NIN: variants seen among roughly 807,000 people sequenced by gnomAD.
NIN encodes glycogen synthase kinase 3 beta-interacting protein.
A neutral mutation model predicts 257.6 loss-of-function variants in NIN; 137 were observed. The observed-to-expected ratio is 0.53, with a 90% CI of 0.46 to 0.61. NIN has a LOEUF of 0.61. Among genes scored for constraint, NIN ranks in the 20% least tolerant of loss-of-function variants. The probability of loss-of-function intolerance (pLI) is 0.00; values close to 1 mark genes in which losing one functional copy is unlikely to be tolerated. For missense variants in NIN, 2,439 were observed against 2,501.2 expected (o/e 0.98, Z 0.53); for synonymous variants, 918 against 919.8 (o/e 1.00, Z 0.04).
At chr14:50,827,082 G>C (rs889427784) in intron 2 of NIN, among the ~76,000 whole-genome samples, 1 of 152,180 alleles carries the variant, frequency 6.6e-6, no homozygotes, top group Non-Finnish European at 1.5e-5. Context: ...TAACGCCAAT[G>C]ATCAAATTAA....
chr14:50,729,494 G>A (rs754066929), intron 29 of NIN, 29 bp downstream of exon 29: 1 of 1,578,928 alleles, frequency 6.3e-7, no homozygotes, highest in Non-Finnish European at 8.7e-7. Flanking sequence ...ATTAACAGGT[G>A]ATCTACTAGA....
intron 3 of NIN, among the ~76,000 whole-genome samples, chr14:50,809,322 G>C (rs1036546834): frequency 6.6e-6 from 1 of 152,178 alleles, no homozygotes; most frequent in African/African-American, 2.4e-5. Context: ...GGCGGCGGCA[G>C]GGAGGTCTGA....
intron 2 of NIN, among the ~76,000 whole-genome samples, chr14:50,829,283 G>A (rs2045595234): frequency 6.6e-6 from 1 of 152,116 alleles, no homozygotes; most frequent in South Asian, 2.1e-4. Flanking sequence ...TTCAACTCCG[G>A]AGCAAGAGCC....
At chr14:50,756,231 C>A (rs1409656849) in intron 18 of NIN, among the ~76,000 whole-genome samples, 1 of 151,930 alleles carries the variant, frequency 6.6e-6, no homozygotes, top group Non-Finnish European at 1.5e-5. Flanking sequence ...ATTGAGGATG[C>A]ACATGGTTAA....
chr14:50,772,613 C>A, intron 8 of NIN, 145 bp from the exon 9 acceptor site: 1 of 712,756 alleles, frequency 1.4e-6, no homozygotes, highest in South Asian at 1.9e-5. Context: ...TCTCTGATCT[C>A]TGTTCCCAAC....
chr14:50,733,393 T>C (rs2040817753), intron 28 of NIN, among the ~76,000 whole-genome samples: 1 of 152,148 alleles, frequency 6.6e-6, no homozygotes, highest in Non-Finnish European at 1.5e-5. Flanking sequence ...GCCTGGCCAA[T>C]AATTCAGTTC....
At chr14:50,734,167 G>A (rs767823008) in intron 28 of NIN, among the ~76,000 whole-genome samples, 11 of 149,896 alleles carry the variant, frequency 7.3e-5, no homozygotes, top group Non-Finnish European at 1.2e-4. Context: ...TCGGCTCACT[G>A]CAACCTCCGC....
chr14:50,734,337 C>A (rs1229484244), intron 28 of NIN, among the ~76,000 whole-genome samples: 1 of 152,110 alleles, frequency 6.6e-6, no homozygotes, highest in Non-Finnish European at 1.5e-5. Context: ...GGTGATCCAC[C>A]TGCCTCAGCC....
chr14:50,805,487 C>G (rs1317344389), intron 4 of NIN, among the ~76,000 whole-genome samples: 3 of 152,118 alleles, frequency 2.0e-5, no homozygotes, highest in African/African-American at 7.2e-5. Flanking sequence ...CCGAAAAAGG[C>G]GGAGACTCAA....
chr14:50,737,654 T>G (rs1192036106), intron 27 of NIN, among the ~76,000 whole-genome samples: 31 of 150,746 alleles, frequency 2.1e-4, no homozygotes, highest in East Asian at 7.8e-4. Context: ...TTGTTTTTTT[T>G]TTTTTTTTTT....
At chr14:50,759,783 C>G in intron 17 of NIN, 74 bp downstream of exon 17, 1 of 1,502,108 alleles carries the variant, frequency 6.7e-7, no homozygotes, top group East Asian at 2.3e-5. Context: ...GCCACCGCGC[C>G]CAGCCACAAC....
At chr14:50,801,636 T>G (rs2044108201) in intron 4 of NIN, among the ~76,000 whole-genome samples, 1 of 152,204 alleles carries the variant, frequency 6.6e-6, no homozygotes, top group Non-Finnish European at 1.5e-5. Flanking sequence ...AATCAATAGC[T>G]AGCCTAGTGA....
chr14:50,737,076 C>T (rs189588217), intron 27 of NIN, among the ~76,000 whole-genome samples: 1 of 152,302 alleles, frequency 6.6e-6, no homozygotes, highest in African/African-American at 2.4e-5. Context: ...CTCTCCCACA[C>T]TATACTAGGG....
At chr14:50,829,429 T>C (rs995062078) in intron 2 of NIN, among the ~76,000 whole-genome samples, 1 of 152,210 alleles carries the variant, frequency 6.6e-6, no homozygotes, top group Non-Finnish European at 1.5e-5. Context: ...CATGTGTGTA[T>C]GTTATGGTGT....
chr14:50,736,235 C>G (rs543498694), intron 27 of NIN, among the ~76,000 whole-genome samples: 1 of 151,900 alleles, frequency 6.6e-6, no homozygotes, highest in Non-Finnish European at 1.5e-5. Context: ...CAGGTTCAAG[C>G]GATTCACCTG....
chr14:50,757,942 A>G lies in NIN; in HGVS notation c.3088T>C (p.Ser1030Pro), dbSNP rs2042108858. The change falls in exon 18 of 31, where the codon TCA (serine) becomes CCA (proline). Residue 1030 changes from serine to proline, a missense_variant. Coordinates refer to ENST00000530997, the MANE Select transcript of NIN (RefSeq NM_020921.4). ...ACCTGGCAACCACTCTGAAGCATTG[A>G]GAGAGGAGATGTTGCCTGCTGCATT... ...KEMQQATSPL[S>P]MLQSGCQVIG... 1.2e-6 allele frequency: 2 copies of G among 1,613,990 alleles called. No individual in the cohort carries two copies. Among genetic ancestry groups the G allele is most frequent in the African/African-American group, 2.7e-5 (2 of 74,902 alleles).
chr14:50,752,707 T>C lies in NIN; in HGVS notation c.4761A>G (p.Gln1587=), dbSNP rs1336284463. Residue 1587 remains glutamine, a synonymous_variant, in exon 21 of 31, where the codon CAA becomes CAG. Transcript: ENST00000530997. ...KQISELKIKN[Q]QLDLENTELS... is the part of the protein sequence containing the mutation. ...GTTCTGTATTTTCCAAATCCAATTG[T>C]TGGTTTTTGATTTTTAATTCTGAAA... 1.3e-6 allele frequency: 2 copies of C among 1,599,388 alleles called. No individual in the cohort carries two copies. The highest frequency in any genetic ancestry group is 4.5e-5 in the East Asian group (2 of 44,652).
intron 24 of NIN, among the ~76,000 whole-genome samples, chr14:50,742,708 TAAAG>T (rs1277779243): frequency 6.6e-6 from 1 of 152,122 alleles, no homozygotes; most frequent in Non-Finnish European, 1.5e-5. Context: ...CCTCACCTCT[TAAAG>T]AAGAATCCTA....
intron 3 of NIN, among the ~76,000 whole-genome samples, chr14:50,816,070 G>A (rs72683648): frequency 0.13 from 20,410 of 152,140 alleles, 1,605 homozygotes; most frequent in East Asian, 0.34. Context: ...GCTGGGAGCC[G>A]TTATCCTCAG....
Sources: gnomAD v4.1 joint callset for allele counts (sites outside exome capture counted in the v4.1 genomes callset) on GRCh38, gnomAD v4.1.1 for gene constraint, MANE v1.5 for transcripts, NCBI Gene and HGNC (gene_info 2026-07-23, HGNC 2026-07-21) for gene names.